YIPF1: variants seen among roughly 807,000 people sequenced by gnomAD.
YIPF1 encodes the protein Yip1 domain family member 1, also known as protein YIPF1.
A neutral mutation model predicts 37.0 loss-of-function variants in YIPF1; 22 were observed. The ratio of observed to expected loss-of-function variants is 0.59; its 90% CI spans 0.42 to 0.85. The LOEUF is 0.85. YIPF1 is among the 40% of genes least tolerant of loss of function. The probability of loss-of-function intolerance (pLI) is 0.00; values close to 1 mark genes in which losing one functional copy is unlikely to be tolerated. For synonymous variants in YIPF1, 128 were observed against 131.9 expected, an observed-to-expected ratio of 0.97 and a Z score of 0.21; for missense variants, 355 against 373.1, an observed-to-expected ratio of 0.95 and a Z score of 0.40.
intron 10 of YIPF1, among the ~76,000 whole-genome samples, chr1:53,857,282 C>G (rs1471374385): frequency 6.6e-6 from 1 of 152,178 alleles, no homozygotes; most frequent in Non-Finnish European, 1.5e-5. Flanking sequence ...CCCCACAGTC[C>G]TGCCCCACAG....
rs1328422435 is a variant in YIPF1, at chr1:53,878,679, T to C, written c.239A>G (p.Glu80Gly). 3 of 1,599,956 alleles carry C rather than the reference T, an allele frequency of 1.9e-6. No homozygotes were observed. Among genetic ancestry groups the C allele is most frequent in the Non-Finnish European group, 2.5e-6 (3 of 1,177,130 alleles). The change falls in exon 5 of 11, where the codon GAA becomes GGA. Residue 80 changes from glutamate (E) to glycine (G), a missense_variant. Physicochemically the swap from Glu to Gly is moderately conservative, Grantham distance 98. Coordinates refer to ENST00000072644, the MANE Select transcript of YIPF1 (RefSeq NM_018982.5). ...QKKSSPFWTFEYYQTFFDVDT... is the reference protein window; with the variant it reads ...QKKSSPFWTFGYYQTFFDVDT... ...CACATCAAAGAATGTTTGGTAGTAT[T>C]CAAATGTCCAGAAGGGGGAGCTTTT...
At chr1:53,853,191 C>A (rs1162062794) in intron 10 of YIPF1, among the ~76,000 whole-genome samples, 2 of 151,572 alleles carry the variant, frequency 1.3e-5, no homozygotes, top group Non-Finnish European at 3.0e-5. Flanking sequence ...ATGGTCCCAA[C>A]TGTCAAGGAA....
At position 53,888,893 on chromosome 1, in the gene YIPF1, C is replaced by T. The variant is rs1180326586; in HGVS notation, c.31+14G>A. On this transcript the variant is annotated intron_variant, in intron 3 of 10. Transcript: ENST00000072644. ...GTGATCATAAATATAAAGGTGGGCACCCAACTGGTATACCTTCAAATTGCA... is the reference window on the plus strand; with the variant it reads ...GTGATCATAAATATAAAGGTGGGCATCCAACTGGTATACCTTCAAATTGCA... 13 of 1,580,184 alleles carry T rather than the reference C, an allele frequency of 8.2e-6. No homozygotes were observed. The highest frequency in any genetic ancestry group is 1.0e-5 in the Non-Finnish European group (12 of 1,153,088).
chr1:53,869,160 T>TCTCTCTCACACA (rs911930860), intron 7 of YIPF1, among the ~76,000 whole-genome samples: 81 of 138,042 alleles, frequency 5.9e-4, no homozygotes, highest in African/African-American at 2.1e-3. Context: ...TCTCTCTCTC[T>TCTCTCTCACACA]CACACACACA....
chr1:53,869,910 T>C (rs1286988260), intron 7 of YIPF1, among the ~76,000 whole-genome samples: 3 of 150,610 alleles, frequency 2.0e-5, no homozygotes, highest in African/African-American at 7.3e-5. Context: ...TCTCTCTCTG[T>C]TGCCCAGGCT....
intron 9 of YIPF1, among the ~76,000 whole-genome samples, chr1:53,865,543 C>T (rs1649997787): frequency 6.6e-6 from 1 of 152,036 alleles, no homozygotes; most frequent in South Asian, 2.1e-4. Context: ...ATATAGAGAA[C>T]TTGAGCATCC....
intron 8 of YIPF1, 135 bp from the exon 9 acceptor site, chr1:53,866,517 G>T: frequency 9.7e-7 from 1 of 1,028,682 alleles, no homozygotes; most frequent in Non-Finnish European, 1.4e-6. Context: ...AGTACAGGCT[G>T]GAGGAACACC....
At chr1:53,853,250 T>C (rs1569588630) in intron 10 of YIPF1, among the ~76,000 whole-genome samples, 1 of 152,196 alleles carries the variant, frequency 6.6e-6, no homozygotes, top group East Asian at 1.9e-4. Flanking sequence ...GAAAATATTA[T>C]TTATTTAATT....
chr1:53,885,009 T>TGGCA (rs1467485124), intron 3 of YIPF1, among the ~76,000 whole-genome samples: 1 of 152,200 alleles, frequency 6.6e-6, no homozygotes, highest in Non-Finnish European at 1.5e-5. Context: ...AAGCCTCAAT[T>TGGCA]GGCAATGTTT....
chr1:53,887,163 T>G (rs530924573), intron 3 of YIPF1, among the ~76,000 whole-genome samples: 1 of 151,944 alleles, frequency 6.6e-6, no homozygotes, highest in Non-Finnish European at 1.5e-5. Flanking sequence ...CTCGGTTCAC[T>G]GCAACCTCTG....
At chr1:53,876,848 C>T (rs1476343776) in intron 6 of YIPF1, among the ~76,000 whole-genome samples, 1 of 152,124 alleles carries the variant, frequency 6.6e-6, no homozygotes, top group East Asian at 1.9e-4. Context: ...TGTGTGTTTG[C>T]CATTATTATT....
In YIPF1 at chr1:53,878,644, G is replaced by C. The variant is rs772057024; in HGVS notation, c.274C>G (p.Gln92Glu). The C allele has an allele frequency of 1.9e-6, 3 of 1,602,764 alleles. No individual in the cohort carries two copies. The highest frequency in any genetic ancestry group is 2.5e-6 in the Non-Finnish European group (3 of 1,177,772). Residue 92 changes from glutamine to glutamate, a missense_variant and splice_region_variant, in exon 5 of 11, where the codon CAG becomes GAG. Coordinates refer to ENST00000072644, the MANE Select transcript of YIPF1 (RefSeq NM_018982.5). ...AAAGGTGAAATTGGTTTCCAAACCT[G>C]GTAGGTGTCCACATCAAAGAATGTT... Reference protein sequence around the residue: ...YQTFFDVDTYQVFDRIKGSLL... With the variant: ...YQTFFDVDTYEVFDRIKGSLL...
rs1372930527 is a variant in YIPF1, at chr1:53,866,924, A to G, written c.482T>C (p.Val161Ala). Residue 161 changes from valine (V) to alanine (A), a missense_variant and splice_region_variant, in exon 8 of 11, where the codon GTG becomes GCG. Val to Ala is a moderately conservative substitution (Grantham distance 64, BLOSUM62 0). Coordinates refer to ENST00000072644, the MANE Select transcript of YIPF1 (RefSeq NM_018982.5). ...ATAGATGATGGTAGCTGCTATGGAC[A>G]CTGAGGATGACAGGACACAAGTTTC... The part of the protein sequence containing the change: ...TYHYVPEFRK[V>A]SIAATIIYAY... The G allele has an allele frequency of 1.2e-6, 2 of 1,606,670 alleles. No homozygotes were observed. The highest frequency in any genetic ancestry group is 1.7e-6 in the Non-Finnish European group (2 of 1,177,002).
intron 6 of YIPF1, 115 bp downstream of exon 6, chr1:53,878,200 G>C: frequency 9.8e-7 from 1 of 1,023,354 alleles, no homozygotes; most frequent in Non-Finnish European, 1.5e-6. Context: ...GTTCAGAAAA[G>C]TCTAATAATA....
At chr1:53,862,586 G>T (rs79860912) in intron 9 of YIPF1, among the ~76,000 whole-genome samples, 3,132 of 152,166 alleles carry the variant, frequency 0.021, 109 homozygotes, top group African/African-American at 0.071. Flanking sequence ...GGGGTCCCTG[G>T]CAAGTGTGGG....
chr1:53,860,226 G>T, intron 9 of YIPF1, 73 bp from the exon 10 acceptor site: 2 of 1,424,956 alleles, frequency 1.4e-6, no homozygotes, highest in Non-Finnish European at 9.8e-7. Context: ...TAGACTCCAT[G>T]CTAACAGTAC....
intron 3 of YIPF1, among the ~76,000 whole-genome samples, chr1:53,887,765 C>T (rs1449948824): frequency 6.6e-6 from 1 of 152,124 alleles, no homozygotes; most frequent in Non-Finnish European, 1.5e-5. Context: ...TGATTTTATC[C>T]CTTACTAACT....
intron 4 of YIPF1, among the ~76,000 whole-genome samples, chr1:53,881,760 G>A (rs1650507984): frequency 6.6e-6 from 1 of 152,164 alleles, no homozygotes; most frequent in Admixed American, 6.5e-5. Context: ...CACTGTTGGT[G>A]GGAGTGTAAA....
intron 4 of YIPF1, 97 bp downstream of exon 4, chr1:53,883,016 T>C: frequency 1.5e-6 from 2 of 1,376,532 alleles, no homozygotes; most frequent in Non-Finnish European, 9.6e-7. Flanking sequence ...TGAGCTGTCA[T>C]TGCCTGACAC....
Sources: allele counts gnomAD v4.1 joint callset (sites outside exome capture counted in the v4.1 genomes callset), GRCh38; gene constraint gnomAD v4.1.1; transcripts MANE v1.5; gene names NCBI Gene and HGNC (gene_info 2026-07-23, HGNC 2026-07-21).